The following ALDH2 variants were observed in gnomAD, a reference collection of about 807,000 sequenced individuals.
ALDH2 encodes aldehyde dehydrogenase 2 family member.
In ALDH2, 44 loss-of-function variants were observed where a neutral mutation model predicts 59.6. That is an observed-to-expected ratio of 0.74 (90% CI 0.58 to 0.95). The LOEUF (loss-of-function observed/expected upper bound fraction) is 0.95, where lower values mean the gene tolerates loss of function less well. Ranked by LOEUF, ALDH2 falls within the 40% of genes least tolerant of loss-of-function variation. The pLI, the probability that ALDH2 is intolerant of heterozygous loss-of-function variation, is 0.00. For synonymous variants in ALDH2, 291 were observed against 284.0 expected (o/e 1.02, Z -0.25); for missense variants, 570 against 696.3 (o/e 0.82, Z 2.04).
rs951845127 is a variant in ALDH2, at chr12:111,789,950, C to G, written c.552+16C>G. On this transcript the variant is annotated intron_variant, in intron 5 of 12. Coordinates refer to ENST00000261733, the MANE Select transcript of ALDH2 (RefSeq NM_000690.4). ...GATCATTCCGGTGAGTCCAGCCTCC[C>G]TGGAGTTTCTTCAGGGTGCCCTGAG... 6.2e-7 allele frequency: 1 copy of G among 1,609,082 alleles called. No homozygotes were observed. The highest frequency in any genetic ancestry group is 1.3e-5 in the African/African-American group (1 of 74,820).
intron 12 of ALDH2, among the ~76,000 whole-genome samples, chr12:111,807,179 T>C (rs1276897048): frequency 1.3e-5 from 2 of 150,854 alleles, no homozygotes; most frequent in Non-Finnish European, 3.0e-5. Context: ...AGGAGAATGG[T>C]GTGAACTCGG....
intron 1 of ALDH2, among the ~76,000 whole-genome samples, chr12:111,776,842 G>C (rs112003583): frequency 1.3e-5 from 2 of 152,040 alleles, no homozygotes; most frequent in African/African-American, 4.8e-5. Context: ...GTGACACCAT[G>C]CCCAGCTAAT....
intron 1 of ALDH2, among the ~76,000 whole-genome samples, chr12:111,771,164 G>A (rs1048031851): frequency 6.6e-6 from 1 of 152,040 alleles, no homozygotes; most frequent in African/African-American, 2.4e-5. Flanking sequence ...CAGAGGCTAA[G>A]GTGGGAAGAT....
chr12:111,773,444 C>T (rs1051170270), intron 1 of ALDH2, among the ~76,000 whole-genome samples: 1 of 152,176 alleles, frequency 6.6e-6, no homozygotes, highest in African/African-American at 2.4e-5. Context: ...CTCCAGTAAT[C>T]ATGATTATTC....
intron 2 of ALDH2, 100 bp from the exon 3 acceptor site, chr12:111,783,058 A>T: frequency 6.8e-7 from 1 of 1,471,232 alleles, no homozygotes; most frequent in Non-Finnish European, 9.2e-7. Flanking sequence ...CTGTGCAGCG[A>T]TATGCTGATG....
intron 1 of ALDH2, among the ~76,000 whole-genome samples, chr12:111,777,653 T>A (rs2136010482): frequency 6.6e-6 from 1 of 152,070 alleles, no homozygotes; most frequent in South Asian, 2.1e-4. Context: ...AACTCCCTTC[T>A]CCTCCACGGG....
At chr12:111,769,942 G>A (rs938463406) in intron 1 of ALDH2, among the ~76,000 whole-genome samples, 8 of 151,980 alleles carry the variant, frequency 5.3e-5, no homozygotes, top group Non-Finnish European at 7.4e-5. Context: ...TCAGGAGTTC[G>A]AGACTAGCCT....
intron 1 of ALDH2, among the ~76,000 whole-genome samples, chr12:111,777,896 C>T (rs1381441574): frequency 6.6e-6 from 1 of 152,216 alleles, no homozygotes; most frequent in Non-Finnish European, 1.5e-5. Context: ...TGAAACCACA[C>T]AAGCACGCCT....
intron 11 of ALDH2, among the ~76,000 whole-genome samples, chr12:111,801,190 C>T (rs554543781): frequency 6.6e-6 from 1 of 152,126 alleles, no homozygotes; most frequent in Non-Finnish European, 1.5e-5. Context: ...CAGGGAAACT[C>T]CCCTTTATAA....
At chr12:111,804,672 G>A (rs966495880) in intron 12 of ALDH2, among the ~76,000 whole-genome samples, 32 of 151,662 alleles carry the variant, frequency 2.1e-4, no homozygotes, top group African/African-American at 7.3e-4. Context: ...GCTTGAACAC[G>A]GGAGGCGGAG....
In ALDH2 at chr12:111,795,431, C is replaced by T. The variant is rs188243734; in HGVS notation, c.1084-2647C>T. ...CTGAGTAGGTGGGACTACAAGTGCACGCCACCACGCCCTGCTAATTTTTGT... is the reference window on the plus strand; with the variant it reads ...CTGAGTAGGTGGGACTACAAGTGCATGCCACCACGCCCTGCTAATTTTTGT... On this transcript the variant is annotated intron_variant, in intron 9 of 12. Coordinates refer to ENST00000261733, the MANE Select transcript of ALDH2 (RefSeq NM_000690.4). 2.8e-4 allele frequency among the ~76,000 whole-genome samples: 43 copies of T among 152,078 alleles called. No homozygotes were observed. In the East Asian group the frequency reaches 4.3e-3, roughly 15 times the overall value.
At chr12:111,799,201 T>C (rs921294395) in intron 10 of ALDH2, among the ~76,000 whole-genome samples, 1 of 150,700 alleles carries the variant, frequency 6.6e-6, no homozygotes, top group Admixed American at 6.6e-5. Flanking sequence ...AGTCTCACTC[T>C]GTCGCCAGGC....
intron 8 of ALDH2, 129 bp from the exon 9 acceptor site, chr12:111,792,463 CCTGTAT>C: frequency 9.3e-7 from 1 of 1,076,578 alleles, no homozygotes; most frequent in South Asian, 1.6e-5. Flanking sequence ...CCCTCATCTC[CCTGTAT>C]CTGTCTCTGG....
At position 111,789,831 on chromosome 12, in the gene ALDH2, C is replaced by G. The variant is rs756650696; in HGVS notation, c.449C>G (p.Ala150Gly). ...DMVLKCLRYYAGWADKYHGKT... is the reference protein window; with the variant it reads ...DMVLKCLRYYGGWADKYHGKT... ...CGTTTCTTTGTTTAAAGGTATTATG[C>G]CGGCTGGGCTGATAAGTACCACGGG... The change falls in exon 5 of 13, where the codon GCC becomes GGC. Residue 150 changes from alanine (A) to glycine (G), a missense_variant. Transcript: ENST00000261733. 1 of 1,613,876 alleles carries G rather than the reference C, an allele frequency of 6.2e-7. No homozygotes were observed. Among genetic ancestry groups the G allele is most frequent in the Non-Finnish European group, 8.5e-7 (1 of 1,179,808 alleles).
intron 1 of ALDH2, among the ~76,000 whole-genome samples, chr12:111,774,889 A>T (rs2068224331): frequency 6.6e-6 from 1 of 152,190 alleles, no homozygotes; most frequent in Non-Finnish European, 1.5e-5. Context: ...GCCAAGGTGA[A>T]GAGGGATCCT....
intron 11 of ALDH2, 64 bp downstream of exon 11, chr12:111,800,127 A>T (rs1369311417): frequency 6.6e-7 from 1 of 1,504,784 alleles, no homozygotes; most frequent in Non-Finnish European, 8.9e-7. Flanking sequence ...GGCCTACTGG[A>T]ATCTGGTGGT....
intron 1 of ALDH2, among the ~76,000 whole-genome samples, chr12:111,768,935 G>A (rs1356029881): frequency 6.6e-6 from 1 of 152,178 alleles, no homozygotes; most frequent in African/African-American, 2.4e-5. Flanking sequence ...AGTGAGCTAT[G>A]ATTGGGCCAC....
At position 111,766,952 on chromosome 12, in the gene ALDH2, C is replaced by A. The variant is rs533001896; in HGVS notation, c.-31C>A. On this transcript the variant is annotated 5_prime_UTR_variant, in exon 1 of 13. Coordinates refer to ENST00000261733, the MANE Select transcript of ALDH2 (RefSeq NM_000690.4). ...GGCCCTGAGACCCTAGCTCTGCTCT[C>A]GGTCCGCTCGCTGTCCGCTAGCCCG... The A allele has an allele frequency of 2.8e-5, 42 of 1,508,958 alleles. No homozygotes were observed. In the South Asian group the frequency reaches 3.2e-4, roughly 11 times the overall value. The allele number at this position is 1,508,958 out of a possible 1,614,324, so 93.5% of individuals were successfully genotyped here.
chr12:111,783,446 C>A (rs2068288372), intron 3 of ALDH2, 148 bp downstream of exon 3: 3 of 980,130 alleles, frequency 3.1e-6, no homozygotes, highest in South Asian at 4.0e-5. Context: ...GGATGGACAC[C>A]TTTAGGGGGC....
Sources: allele counts gnomAD v4.1 joint callset (sites outside exome capture counted in the v4.1 genomes callset), GRCh38; gene constraint gnomAD v4.1.1; transcripts MANE v1.5; gene names NCBI Gene and HGNC (gene_info 2026-07-23, HGNC 2026-07-21).